The following GCN1 variants were observed in gnomAD, a reference collection of about 807,000 sequenced individuals.
GCN1 encodes the protein GCN1 activator of EIF2AK4, also known as stalled ribosome sensor GCN1.
In GCN1, 90 loss-of-function variants were observed where a neutral mutation model predicts 288.4. The ratio of observed to expected loss-of-function variants is 0.31; its 90% CI spans 0.26 to 0.37. GCN1 has a LOEUF of 0.37. Among genes scored for constraint, GCN1 ranks in the 10% least tolerant of loss-of-function variants. The pLI, the probability that GCN1 is intolerant of heterozygous loss-of-function variation, is 1.00. For synonymous variants in GCN1, 1,386 were observed against 1,420.2 expected (o/e 0.98, Z 0.54); for missense variants, 2,586 against 3,419.9 (o/e 0.76, Z 6.08).
intron 45 of GCN1, among the ~76,000 whole-genome samples, chr12:120,139,336 G>T (rs1877116115): frequency 6.6e-6 from 1 of 152,018 alleles, no homozygotes; most frequent in African/African-American, 2.4e-5. Context: ...AAATTAAAAA[G>T]TAGAGAGGGG....
At chr12:120,173,557 C>T in intron 14 of GCN1, 96 bp downstream of exon 14, 1 of 754,166 alleles carries the variant, frequency 1.3e-6, no homozygotes, top group South Asian at 1.7e-5. Context: ...GCAAAATAAG[C>T]TGAACTAACA....
chr12:120,178,243 A>G (rs1246942515), intron 7 of GCN1, among the ~76,000 whole-genome samples: 1 of 152,188 alleles, frequency 6.6e-6, no homozygotes, highest in Non-Finnish European at 1.5e-5. Flanking sequence ...TACTAGTTAT[A>G]ATTAGCTAGA....
chr12:120,190,442 T>A, intron 1 of GCN1, 42 bp from the exon 2 acceptor site: 1 of 1,053,518 alleles, frequency 9.5e-7, no homozygotes, highest in Non-Finnish European at 1.5e-6. Flanking sequence ...AGTCAGACTA[T>A]AAAACTATGA....
intron 1 of GCN1, among the ~76,000 whole-genome samples, chr12:120,192,553 G>A (rs759593167): frequency 7.3e-5 from 11 of 150,296 alleles, no homozygotes; most frequent in African/African-American, 9.8e-5. Flanking sequence ...TGGTGAAACC[G>A]CGTCTCTACT....
Position 120,130,655 on chromosome 12 carries a change from C to G in GCN1, c.7662G>C (p.Leu2554=). 6.2e-7 allele frequency: 1 copy of G among 1,611,762 alleles called. No individual in the cohort carries two copies. Among genetic ancestry groups the G allele is most frequent in the Non-Finnish European group, 8.5e-7 (1 of 1,177,924 alleles). Residue 2554 remains leucine, a synonymous_variant, in exon 56 of 58, where the codon CTG becomes CTC. Coordinates refer to ENST00000300648, the MANE Select transcript of GCN1 (RefSeq NM_006836.2). The part of the protein sequence containing the change: ...GGQLPAKLSS[L]FVKCLQNPSS... The stretch of plus-strand genomic sequence containing the variant: ...CTTGGCCCCCACTCACCTTAACGAA[C>G]AGGCTGGAAAGTTTGGCCGGCAACT...
In GCN1 at chr12:120,156,469, C is replaced by A. The variant is rs770606277; in HGVS notation, c.3304G>T (p.Val1102Leu). 1 of 1,613,656 alleles carries A rather than the reference C, an allele frequency of 6.2e-7. No homozygotes were observed. The highest frequency in any genetic ancestry group is 1.3e-5 in the African/African-American group (1 of 74,924). Residue 1102 changes from valine (V) to leucine (L), a missense_variant, in exon 28 of 58, where the codon GTG becomes TTG. Physicochemically the swap from Val to Leu is conservative, Grantham distance 32 (BLOSUM62 1). Coordinates refer to ENST00000300648, the MANE Select transcript of GCN1 (RefSeq NM_006836.2). The surrounding 1 kb of genome is among the most constrained non-coding windows in gnomAD (Gnocchi z 5.8). Reference protein sequence around the residue: ...QSPCASVRETVLRGLMELHMV... With the variant: ...QSPCASVRETLLRGLMELHMV... ...TGAGACTGAGCACACACCCGGAGCA[C>A]GGTTTCCCGCACGCTGGCACACGGG...
At chr12:120,173,554 A>T in intron 14 of GCN1, 99 bp downstream of exon 14, 2 of 743,038 alleles carry the variant, frequency 2.7e-6, no homozygotes, top group Admixed American at 2.3e-5. Context: ...AGTGCAAAAT[A>T]AGCTGAACTA....
intron 1 of GCN1, among the ~76,000 whole-genome samples, chr12:120,193,623 T>G (rs1879078605): frequency 6.6e-6 from 1 of 152,170 alleles, no homozygotes; most frequent in Admixed American, 6.5e-5. Context: ...ATTTTTTTAT[T>G]TAATTTAATT....
chr12:120,178,858 C>A lies in GCN1; in HGVS notation c.519G>T (p.Trp173Cys), dbSNP rs201776262. The change falls in exon 6 of 58, where the codon TGG (tryptophan) becomes TGT (cysteine). Residue 173 changes from tryptophan to cysteine, a missense_variant. Coordinates refer to ENST00000300648, the MANE Select transcript of GCN1 (RefSeq NM_006836.2). ...GCCCCTGCAGTCCTGTCACCTCTTT[C>A]CACAGCTTCGTGAGTTTCTTCACAG... is the stretch of plus-strand genomic sequence containing the variant. The part of the protein sequence containing the change: ...DGAVKKLTKL[W>C]KENPGLVEQY... 35 of 1,614,164 alleles carry A rather than the reference C, an allele frequency of 2.2e-5. No homozygotes were observed. Among genetic ancestry groups the A allele is most frequent in the Non-Finnish European group, 2.8e-5 (33 of 1,179,996 alleles).
intron 16 of GCN1, among the ~76,000 whole-genome samples, chr12:120,167,352 CAAAAAAAAAAAA>C (rs58505091): frequency 1.4e-5 from 1 of 73,016 alleles, no homozygotes; most frequent in Admixed American, 1.7e-4. Flanking sequence ...AACTCCATCT[CAAAAAAAAAAAA>C]AAAAAAAAGA....
In GCN1 at chr12:120,153,898, G is replaced by A. The variant is rs1326811811; in HGVS notation, c.3713C>T (p.Ala1238Val). The change falls in exon 32 of 58, where the codon GCG (alanine) becomes GTG (valine). Residue 1238 changes from alanine (A) to valine (V), a missense_variant. Physicochemically the swap from Ala to Val is moderately conservative, Grantham distance 64 (BLOSUM62 0). Coordinates refer to ENST00000300648, the MANE Select transcript of GCN1 (RefSeq NM_006836.2). This position sits in a 1 kb window ranked among gnomAD's most constrained non-coding sequence, Gnocchi z 4.4. ...CTGGGAGAGCTTGTTGAGGGCCAAC[G>A]CCAAGCCACACCTGGGAAAGAAGTG... ...PDQWEARCGL[A>V]LALNKLSQYL... 3.7e-6 allele frequency: 6 copies of A among 1,613,452 alleles called. No homozygotes were observed. The highest frequency in any genetic ancestry group is 1.7e-5 in the Admixed American group (1 of 59,972).
At position 120,134,895 on chromosome 12, in the gene GCN1, G is replaced by A. The variant is rs1015806977; in HGVS notation, c.7009-169C>T. Among the ~76,000 whole-genome samples the A allele has an allele frequency of 3.9e-5, 6 of 152,204 alleles. No homozygotes were observed. The highest frequency in any genetic ancestry group is 1.4e-4 in the African/African-American group (6 of 41,460). On this transcript the variant is annotated intron_variant, in intron 51 of 57. Coordinates refer to ENST00000300648, the MANE Select transcript of GCN1 (RefSeq NM_006836.2). This position sits in a 1 kb window ranked among gnomAD's most constrained non-coding sequence, Gnocchi z 5.0. ...GAGAGGCCAAACACAGACAGGTTTC[G>A]CTTGGCCTCCTGGTCATATCCAGCA...
rs1232216662 is a variant in GCN1, at chr12:120,153,938, G to A, written c.3702-29C>T. ...GGAAAGAAGTGGGAGCACATCAGGA[G>A]GGGCAGTCAGGGGGCCTCCTCTGCC... On this transcript the variant is annotated intron_variant, in intron 31 of 57. Transcript: ENST00000300648. This position sits in a 1 kb window ranked among gnomAD's most constrained non-coding sequence, Gnocchi z 4.4. The A allele has an allele frequency of 1.3e-6, 2 of 1,596,094 alleles. No individual in the cohort carries two copies. Among genetic ancestry groups the A allele is most frequent in the East Asian group, 4.5e-5 (2 of 44,740 alleles).
rs1022166205 is a variant in GCN1, at chr12:120,168,103, G to C, written c.1612+105C>G. The C allele has an allele frequency of 5.5e-5, 42 of 761,708 alleles. No individual in the cohort carries two copies. The African/African-American group carries it at 6.4e-4, about 12-fold the overall frequency. The allele number at this position is 761,708 out of a possible 1,614,324, so 47.2% of individuals were successfully genotyped here. A position where few individuals can be genotyped will look rare whatever the true frequency, so the allele number is the denominator to read the frequency against. On this transcript the variant is annotated intron_variant, in intron 16 of 57. Transcript: ENST00000300648. ...CTGTTGGCCAGATCACTCTGGCCCA[G>C]GTTTTTGCAGACCTGACTGGTTGGT...
intron 33 of GCN1, 115 bp from the exon 34 acceptor site, chr12:120,151,506 A>C: frequency 4.7e-6 from 5 of 1,074,574 alleles, no homozygotes; most frequent in Non-Finnish European, 6.7e-6. Context: ...GCCCCATCTC[A>C]GCCACTGCCT....
Position 120,179,238 on chromosome 12 carries a change from C to CT in GCN1, c.427-289dup, listed in dbSNP as rs796309360. Among the ~76,000 whole-genome samples, 556 of 146,442 alleles carry CT rather than the reference C, an allele frequency of 3.8e-3. 2 individuals carry two copies. The highest frequency in any genetic ancestry group is 0.013 in the African/African-American group (503 of 40,158). ...GGGAGGAAGACAGACATGGTCCCTG[C>CT]TTTTTTTTTTTAAGACGGAGTCTCG... On this transcript the variant is annotated intron_variant, in intron 5 of 57. Coordinates refer to ENST00000300648, the MANE Select transcript of GCN1 (RefSeq NM_006836.2).
At chr12:120,185,098 C>T (rs1472201062) in intron 2 of GCN1, among the ~76,000 whole-genome samples, 4 of 152,054 alleles carry the variant, frequency 2.6e-5, no homozygotes, top group African/African-American at 2.4e-5. Context: ...GCTAAATGAA[C>T]GAAACTAAGA....
Position 120,135,371 on chromosome 12 carries a change from G to GT in GCN1, c.7009-646dup, listed in dbSNP as rs376054982. ...AGATTTACTTACTGTTTTTTGTTTT[G>GT]TTTTTTTTTTGAGACGGAGTTTCGC... On this transcript the variant is annotated intron_variant, in intron 51 of 57. Coordinates refer to ENST00000300648, the MANE Select transcript of GCN1 (RefSeq NM_006836.2). 4.0e-3 allele frequency among the ~76,000 whole-genome samples: 586 copies of GT among 148,094 alleles called. 3 individuals carry two copies. Among genetic ancestry groups the GT allele is most frequent in the Middle Eastern group, 0.014 (4 of 284 alleles).
At position 120,174,137 on chromosome 12, in the gene GCN1, C is replaced by T; in HGVS notation, c.1126G>A (p.Gly376Arg). The T allele has an allele frequency of 6.2e-7, 1 of 1,606,372 alleles. No homozygotes were observed. Among genetic ancestry groups the T allele is most frequent in the Non-Finnish European group, 8.5e-7 (1 of 1,172,984 alleles). ...IGSVSHHVVS[G>R]PSSQVLNGIV... ...CCATTCAGGACCTGACTGGAAGGTC[C>T]AGACACCACGTGATGACTGACGCTC... Residue 376 changes from glycine (G) to arginine (R), a missense_variant, in exon 13 of 58, where the codon GGA (glycine) becomes AGA (arginine). Gly to Arg is a moderately radical substitution (Grantham distance 125). Around this residue, in one of 8 missense-constraint regions of GCN1, gnomAD observed 913 missense variants for 1,107.0 expected, o/e 0.82. Coordinates refer to ENST00000300648, the MANE Select transcript of GCN1 (RefSeq NM_006836.2).
Sources: gnomAD v4.1 joint callset for allele counts (sites outside exome capture counted in the v4.1 genomes callset) on GRCh38, gnomAD v4.1.1 for gene constraint, gnomAD v4.1.1 regional missense constraint, Gnocchi (gnomAD v3.1) non-coding constraint, MANE v1.5 for transcripts, NCBI Gene and HGNC (gene_info 2026-07-23, HGNC 2026-07-21) for gene names.